The following WFDC10B variants were observed in gnomAD, a reference collection of about 807,000 sequenced individuals.
The protein encoded by WFDC10B is protein WFDC10B.
Under a neutral mutation model 2.7 loss-of-function variants are expected in WFDC10B, and 1 was observed. The ratio of observed to expected loss-of-function variants is 0.38; its 90% confidence interval spans 0.13 to 1.79. The LOEUF (loss-of-function observed/expected upper bound fraction) is 1.79, where lower values mean the gene tolerates loss of function less well. WFDC10B is among the 40% of genes most tolerant of loss of function. The pLI is 0.33. For missense variants in WFDC10B, 71 were observed against 87.8 expected (o/e 0.81, Z 0.76); for synonymous variants, 26 against 32.2 (o/e 0.81, Z 0.65).
chr20:45,697,990 C>T (rs184869644), intron 2 of WFDC10B, among the ~76,000 whole-genome samples: 3 of 151,578 alleles, frequency 2.0e-5, no homozygotes, highest in South Asian at 2.1e-4. Context: ...GTGATCCACC[C>T]GCCTCGGCCT....
At chr20:45,687,192 C>T (rs2145634175) in intron 2 of WFDC10B, among the ~76,000 whole-genome samples, 1 of 152,136 alleles carries the variant, frequency 6.6e-6, no homozygotes, top group Non-Finnish European at 1.5e-5. Context: ...TGTTTACCTC[C>T]CTGTGTCCAT....
At chr20:45,697,469 C>T (rs912437566) in intron 2 of WFDC10B, among the ~76,000 whole-genome samples, 1 of 148,422 alleles carries the variant, frequency 6.7e-6, no homozygotes. Context: ...ACTGTAACCT[C>T]CATCTCCCAG....
At chr20:45,696,587 A>G (rs1438224153) in intron 2 of WFDC10B, among the ~76,000 whole-genome samples, 1 of 152,048 alleles carries the variant, frequency 6.6e-6, no homozygotes, top group Admixed American at 6.5e-5. Flanking sequence ...CCAACCTTAC[A>G]GAACTAAAAA....
intron 2 of WFDC10B, among the ~76,000 whole-genome samples, chr20:45,695,978 G>A (rs1474930100): frequency 2.6e-5 from 4 of 151,538 alleles, no homozygotes; most frequent in African/African-American, 4.9e-5. Context: ...ATCTATAACT[G>A]TAAATACTTA....
chr20:45,690,372 A>T (rs1433949484), intron 2 of WFDC10B, among the ~76,000 whole-genome samples: 1 of 151,864 alleles, frequency 6.6e-6, no homozygotes, highest in East Asian at 1.9e-4. Flanking sequence ...GTTAGGGAGG[A>T]TTCCCTCTTT....
At chr20:45,690,788 T>C (rs1568670953) in intron 2 of WFDC10B, among the ~76,000 whole-genome samples, 1 of 152,118 alleles carries the variant, frequency 6.6e-6, no homozygotes, top group Non-Finnish European at 1.5e-5. Context: ...AAAAACCAGC[T>C]CCTAGATTCA....
intron 2 of WFDC10B, among the ~76,000 whole-genome samples, chr20:45,689,317 G>A (rs1286873785): frequency 6.6e-5 from 10 of 151,348 alleles, no homozygotes; most frequent in South Asian, 2.1e-4. Context: ...TTGACTTGGC[G>A]ATGTGGGCTC....
intron 2 of WFDC10B, among the ~76,000 whole-genome samples, chr20:45,698,434 T>C (rs949054506): frequency 2.0e-5 from 3 of 152,010 alleles, no homozygotes; most frequent in African/African-American, 7.2e-5. Flanking sequence ...AAATCGGACT[T>C]CATCAAAGTT....
chr20:45,685,808 A>G lies in WFDC10B; in HGVS notation c.91+94T>C, dbSNP rs1983592432. ...TGTGGTCAGAGCTGGATATGCAGAAAGGTTGCAAGTCCTAGGTCCTACTCA... is the reference window on the plus strand; with the variant it reads ...TGTGGTCAGAGCTGGATATGCAGAAGGGTTGCAAGTCCTAGGTCCTACTCA... On this transcript the variant is annotated intron_variant, in intron 3 of 3. Transcript: ENST00000330523. 1.5e-5 allele frequency: 23 copies of G among 1,535,296 alleles called. No homozygotes were observed. The South Asian group carries it at 2.8e-4, about 19-fold the overall frequency.
At chr20:45,704,059 A>G (rs1984285826) in intron 2 of WFDC10B, among the ~76,000 whole-genome samples, 1 of 152,174 alleles carries the variant, frequency 6.6e-6, no homozygotes, top group Admixed American at 6.5e-5. Flanking sequence ...AAGCTCTACA[A>G]CTTGCTCAAG....
chr20:45,691,870 C>A (rs1305337673), intron 2 of WFDC10B, among the ~76,000 whole-genome samples: 1 of 152,074 alleles, frequency 6.6e-6, no homozygotes, highest in Non-Finnish European at 1.5e-5. Context: ...TGAATTTGAA[C>A]CTGTCATTAT....
At chr20:45,697,754 T>C (rs1335824440) in intron 2 of WFDC10B, among the ~76,000 whole-genome samples, 1 of 147,552 alleles carries the variant, frequency 6.8e-6, no homozygotes, top group Non-Finnish European at 1.5e-5. Context: ...TTTTTTTTTT[T>C]TTTTTTTGAG....
chr20:45,690,639 T>C (rs1195798048), intron 2 of WFDC10B, among the ~76,000 whole-genome samples: 1 of 152,164 alleles, frequency 6.6e-6, no homozygotes, highest in Non-Finnish European at 1.5e-5. Context: ...GAGGTGTTTG[T>C]AGTATTATCT....
chr20:45,692,609 C>G (rs1479040282), intron 2 of WFDC10B, among the ~76,000 whole-genome samples: 2 of 152,216 alleles, frequency 1.3e-5, no homozygotes, highest in East Asian at 3.8e-4. Context: ...ACCCTTTCTT[C>G]CAGTTGATCA....
intron 2 of WFDC10B, among the ~76,000 whole-genome samples, chr20:45,691,681 A>G (rs1317592206): frequency 6.6e-6 from 1 of 151,098 alleles, no homozygotes; most frequent in Admixed American, 6.6e-5. Context: ...TTTATTTTCC[A>G]TTTGCTTGGT....
intron 2 of WFDC10B, among the ~76,000 whole-genome samples, chr20:45,686,347 A>T (rs887666538): frequency 6.6e-6 from 1 of 152,240 alleles, no homozygotes; most frequent in African/African-American, 2.4e-5. Flanking sequence ...ATAATTTTTT[A>T]AAAGGTGCTT....
chr20:45,692,599 A>T (rs1240590096), intron 2 of WFDC10B, among the ~76,000 whole-genome samples: 19 of 152,128 alleles, frequency 1.2e-4, no homozygotes, highest in African/African-American at 4.6e-4. Context: ...CATCACTGAT[A>T]CCCTTTCTTC....
At chr20:45,691,279 G>A (rs1983803554) in intron 2 of WFDC10B, among the ~76,000 whole-genome samples, 1 of 152,238 alleles carries the variant, frequency 6.6e-6, no homozygotes. Context: ...TTTGGAATAG[G>A]TGTGTTGTGG....
intron 3 of WFDC10B, 128 bp from the exon 4 acceptor site, chr20:45,685,088 G>T: frequency 8.2e-7 from 1 of 1,225,062 alleles, no homozygotes; most frequent in Non-Finnish European, 1.1e-6. Context: ...GACTCTTCAG[G>T]GAACTTCCTT....
Sources: gnomAD v4.1 joint callset for allele counts (sites outside exome capture counted in the v4.1 genomes callset) on GRCh38, gnomAD v4.1.1 for gene constraint, MANE v1.5 for transcripts, NCBI Gene and HGNC (gene_info 2026-07-23, HGNC 2026-07-21) for gene names.